The following RBFOX3 variants were observed in gnomAD, a reference collection of about 807,000 sequenced individuals.
The protein encoded by RBFOX3 is RNA binding fox-1 homolog 3.
Under a neutral mutation model 48.7 loss-of-function variants are expected in RBFOX3, and 17 were observed. The observed-to-expected ratio is 0.35, with a 90% CI of 0.24 to 0.52. RBFOX3 has a LOEUF of 0.52. Ranked by LOEUF, RBFOX3 falls within the 20% of genes least tolerant of loss-of-function variation. The probability of loss-of-function intolerance (pLI) is 0.94; values close to 1 mark genes in which losing one functional copy is unlikely to be tolerated. For missense variants in RBFOX3, 382 were observed against 497.5 expected, an observed-to-expected ratio of 0.77 and a Z score of 2.21; for synonymous variants, 212 against 209.5, an observed-to-expected ratio of 1.01 and a Z score of -0.10.
At chr17:79,506,974 G>A (rs1056524358) in intron 1 of RBFOX3, among the ~76,000 whole-genome samples, 5 of 152,294 alleles carry the variant, frequency 3.3e-5, no homozygotes, top group African/African-American at 9.6e-5. Flanking sequence ...GGGTTGTTGC[G>A]GGCTGGCAAG....
intron 4 of RBFOX3, among the ~76,000 whole-genome samples, chr17:79,230,053 G>A (rs1425303960): frequency 6.6e-6 from 1 of 152,182 alleles, no homozygotes; most frequent in Non-Finnish European, 1.5e-5. Context: ...GACCAAACAG[G>A]CTCAGCTTCT....
chr17:79,621,694 T>G, the RBFOX3 span, among the ~76,000 whole-genome samples: 2 of 152,248 alleles, frequency 1.3e-5, no homozygotes, highest in Middle Eastern at 3.4e-3. Flanking sequence ...TGTCACTAAA[T>G]GTTCATGCGT....
chr17:79,119,063 C>A (rs1488008823), intron 4 of RBFOX3, among the ~76,000 whole-genome samples: 6 of 151,992 alleles, frequency 3.9e-5, no homozygotes, highest in African/African-American at 1.2e-4. Context: ...CTACCTCTAA[C>A]CCTCTGCAGG....
chr17:79,250,321 AATAG>A (rs1459684735), intron 3 of RBFOX3, among the ~76,000 whole-genome samples: 1 of 152,190 alleles, frequency 6.6e-6, no homozygotes, highest in African/African-American at 2.4e-5. Context: ...TTTGTTTAAT[AATAG>A]ATAGTTGCTG....
intron 4 of RBFOX3, among the ~76,000 whole-genome samples, chr17:79,146,656 G>C (rs2144573870): frequency 6.6e-6 from 1 of 152,338 alleles, no homozygotes; most frequent in East Asian, 1.9e-4. Flanking sequence ...TGTGTGACCA[G>C]CTGCCATCTG....
chr17:79,382,927 G>C (rs1443008505), intron 2 of RBFOX3, among the ~76,000 whole-genome samples: 1 of 152,116 alleles, frequency 6.6e-6, no homozygotes, highest in African/African-American at 2.4e-5. Flanking sequence ...TGACTAACTT[G>C]AATGGCTGGT....
chr17:79,600,472 T>C (rs2093681149), intron 1 of RBFOX3: 1 of 152,204 alleles, frequency 6.6e-6, no homozygotes, highest in Non-Finnish European at 1.5e-5. Flanking sequence ...CTTCCAAACA[T>C]TCAGGTTTGA....
chr17:79,549,719 C>T (rs144520714), intron 1 of RBFOX3, among the ~76,000 whole-genome samples: 110 of 152,310 alleles, frequency 7.2e-4, no homozygotes, highest in African/African-American at 2.1e-3. Flanking sequence ...GAGCCTCATG[C>T]CCTGTCCCTC....
At chr17:79,176,193 T>C (rs1427230636) in intron 4 of RBFOX3, among the ~76,000 whole-genome samples, 1 of 152,192 alleles carries the variant, frequency 6.6e-6, no homozygotes, top group Non-Finnish European at 1.5e-5. Flanking sequence ...CCCTGAGCTG[T>C]GCAGGGACCC....
At chr17:79,460,219 A>T (rs9899962) in intron 2 of RBFOX3, among the ~76,000 whole-genome samples, 6,696 of 152,216 alleles carry the variant, frequency 0.044, 462 homozygotes, top group African/African-American at 0.15. Flanking sequence ...AATACCACTG[A>T]ATCGCACCCT....
At chr17:79,256,315 G>A (rs996666355) in intron 3 of RBFOX3, among the ~76,000 whole-genome samples, 3 of 151,732 alleles carry the variant, frequency 2.0e-5, no homozygotes, top group East Asian at 1.9e-4. Flanking sequence ...GCTAAATAAC[G>A]AGAAGGAAAT....
intron 2 of RBFOX3, among the ~76,000 whole-genome samples, chr17:79,400,236 C>T (rs2062613765): frequency 1.3e-5 from 2 of 152,072 alleles, no homozygotes; most frequent in Non-Finnish European, 2.9e-5. Flanking sequence ...TCAGGAGCCC[C>T]AAACCAAGGG....
At chr17:79,528,066 T>C (rs2087045595) in intron 1 of RBFOX3, among the ~76,000 whole-genome samples, 1 of 151,460 alleles carries the variant, frequency 6.6e-6, no homozygotes, top group African/African-American at 2.5e-5. Context: ...AGGAGGATCT[T>C]AGTTGAAACC....
intron 3 of RBFOX3, among the ~76,000 whole-genome samples, chr17:79,253,027 T>C (rs1432090620): frequency 6.6e-6 from 1 of 152,098 alleles, no homozygotes; most frequent in Non-Finnish European, 1.5e-5. Context: ...GCCCTGACCC[T>C]GCGGGGTGGT....
chr17:79,264,873 T>A (rs908475870), intron 3 of RBFOX3, among the ~76,000 whole-genome samples: 34 of 151,920 alleles, frequency 2.2e-4, no homozygotes, highest in African/African-American at 8.0e-4. Flanking sequence ...TCTGCTCCCC[T>A]GTACGGTTCT....
At chr17:79,382,832 G>A (rs2060092486) in intron 2 of RBFOX3, among the ~76,000 whole-genome samples, 1 of 152,218 alleles carries the variant, frequency 6.6e-6, no homozygotes, top group Non-Finnish European at 1.5e-5. Context: ...GGTGCTTGCT[G>A]GTGGATGCCA....
At chr17:79,507,720 G>A (rs1300602720) in intron 1 of RBFOX3, among the ~76,000 whole-genome samples, 1 of 152,166 alleles carries the variant, frequency 6.6e-6, no homozygotes, top group Non-Finnish European at 1.5e-5. Flanking sequence ...CACTGATAAT[G>A]AGACCCTTCT....
chr17:79,097,776 G>A, intron 9 of RBFOX3, 31 bp from the exon 10 acceptor site: 1 of 1,549,492 alleles, frequency 6.5e-7, no homozygotes, highest in Non-Finnish European at 8.7e-7. Context: ...CCTAGTCACT[G>A]CCTTCCCCGA....
the RBFOX3 span, among the ~76,000 whole-genome samples, chr17:79,628,895 C>T: frequency 1.3e-5 from 2 of 152,222 alleles, no homozygotes; most frequent in Non-Finnish European, 2.9e-5. Context: ...TGGGCTTGAC[C>T]ACTGCCCCAA....
Sources: allele counts gnomAD v4.1 joint callset (sites outside exome capture counted in the v4.1 genomes callset), GRCh38; gene constraint gnomAD v4.1.1; transcripts MANE v1.5; gene names NCBI Gene and HGNC (gene_info 2026-07-23, HGNC 2026-07-21).